ZMYM5: variants seen among roughly 807,000 people sequenced by gnomAD.
The protein encoded by ZMYM5 is zinc finger MYM-type containing 5, also known as zinc finger MYM-type protein 5.
ZMYM5 carries 41 observed loss-of-function variants against 61.8 expected under a neutral mutation model. The observed-to-expected ratio is 0.66, with a 90% CI of 0.52 to 0.86. The LOEUF (loss-of-function observed/expected upper bound fraction) is 0.86. ZMYM5 is among the 40% of genes least tolerant of loss of function. The pLI, the probability that ZMYM5 is intolerant of heterozygous loss-of-function variation, is 0.00. For missense variants in ZMYM5, 706 were observed against 786.7 expected (o/e 0.90, Z 1.23); for synonymous variants, 257 against 276.4 (o/e 0.93, Z 0.70).
intron 4 of ZMYM5, among the ~76,000 whole-genome samples, chr13:19,839,582 G>A (rs971864921): frequency 4.6e-5 from 7 of 151,780 alleles, no homozygotes; most frequent in Admixed American, 4.6e-4. Flanking sequence ...CACTATGTTG[G>A]CCAGGCTGGT....
intron 4 of ZMYM5, among the ~76,000 whole-genome samples, chr13:19,839,807 A>G (rs1203941384): frequency 6.6e-6 from 1 of 152,202 alleles, no homozygotes; most frequent in Non-Finnish European, 1.5e-5. Context: ...ATATAAATCT[A>G]TTATTATTTC....
intron 2 of ZMYM5, 98 bp from the exon 3 acceptor site, chr13:19,852,288 TTG>T (rs1953344402): frequency 2.3e-6 from 3 of 1,276,650 alleles, no homozygotes; most frequent in Non-Finnish European, 3.2e-6. Flanking sequence ...AAATTATTTT[TTG>T]TGATACCTGA....
At position 19,823,516 on chromosome 13, in the gene ZMYM5, T is replaced by C. The variant is rs562901326; in HGVS notation, c.*961A>G. 6.6e-6 allele frequency: 1 copy of C among 152,264 alleles called. No homozygotes were observed. The highest frequency in any genetic ancestry group is 1.9e-4 in the East Asian group (1 of 5,192). 9.4% of individuals were successfully genotyped at this position (152,264 alleles called of 1,614,324 possible). A position where few individuals can be genotyped will look rare whatever the true frequency, so the allele number is the denominator to read the frequency against. ...TATATACTTATTTTAATATTTTTTA[T>C]ATTTTTATCAACATAAAATAGGTAA... On this transcript the variant is annotated 3_prime_UTR_variant, in exon 8 of 8. Coordinates refer to ENST00000337963, the MANE Select transcript of ZMYM5 (RefSeq NM_001142684.2).
intron 7 of ZMYM5, among the ~76,000 whole-genome samples, chr13:19,832,107 C>T (rs1307821005): frequency 1.3e-5 from 2 of 151,886 alleles, no homozygotes; most frequent in African/African-American, 4.8e-5. Context: ...ATCTGCCACC[C>T]TTGGCCTCCT....
At chr13:19,857,354 G>A (rs1391765721) in intron 2 of ZMYM5, among the ~76,000 whole-genome samples, 1 of 152,118 alleles carries the variant, frequency 6.6e-6, no homozygotes, top group Non-Finnish European at 1.5e-5. Context: ...GTAAAGATAA[G>A]GGTTAACATA....
At chr13:19,835,742 A>G in intron 6 of ZMYM5, 53 bp from the exon 7 acceptor site, 1 of 1,271,702 alleles carries the variant, frequency 7.9e-7, no homozygotes, top group Non-Finnish European at 1.1e-6. Flanking sequence ...AGATTAGCAT[A>G]GCAAGCAATG....
At chr13:19,856,079 T>C (rs1307468305) in intron 2 of ZMYM5, among the ~76,000 whole-genome samples, 3 of 151,958 alleles carry the variant, frequency 2.0e-5, no homozygotes, top group Admixed American at 6.6e-5. Context: ...CTAAAAGCCA[T>C]TGTGTTTATA....
intron 4 of ZMYM5, among the ~76,000 whole-genome samples, chr13:19,848,150 GTTT>G (rs374808860): frequency 6.6e-6 from 1 of 151,342 alleles, no homozygotes; most frequent in Admixed American, 6.6e-5. Context: ...TTTTTTTGTT[GTTT>G]TTTGTATTTT....
At chr13:19,846,106 A>G (rs188128581) in intron 4 of ZMYM5, among the ~76,000 whole-genome samples, 55 of 152,322 alleles carry the variant, frequency 3.6e-4, no homozygotes, top group African/African-American at 1.2e-3. Context: ...AAGGATTTAG[A>G]GTCTCTCTTC....
intron 4 of ZMYM5, among the ~76,000 whole-genome samples, chr13:19,848,737 G>A (rs376035771): frequency 2.0e-5 from 3 of 151,898 alleles, no homozygotes; most frequent in Non-Finnish European, 2.9e-5. Flanking sequence ...GTTTCACCAC[G>A]TTGGCCAGGG....
chr13:19,847,078 G>A (rs1032297503), intron 4 of ZMYM5, among the ~76,000 whole-genome samples: 3 of 152,090 alleles, frequency 2.0e-5, no homozygotes, highest in Non-Finnish European at 2.9e-5. Context: ...CTCCCCAGTA[G>A]CTAGGACTAC....
At chr13:19,838,633 A>G in intron 5 of ZMYM5, 67 bp downstream of exon 5, 1 of 1,553,094 alleles carries the variant, frequency 6.4e-7, no homozygotes, top group Admixed American at 1.7e-5. Context: ...CTCTGCAGTT[A>G]TATTGAGTAC....
intron 4 of ZMYM5, among the ~76,000 whole-genome samples, chr13:19,847,713 G>A (rs1953128373): frequency 6.7e-6 from 1 of 149,396 alleles, no homozygotes; most frequent in Admixed American, 6.7e-5. Flanking sequence ...CGTGATCTTG[G>A]CTCACTGCAA....
In ZMYM5 at chr13:19,862,801, G is replaced by A. The variant is rs764954311; in HGVS notation, c.-78-335C>T. 5.0e-4 allele frequency among the ~76,000 whole-genome samples: 76 copies of A among 152,278 alleles called. 2 individuals carry two copies. Among genetic ancestry groups the A allele is most frequent in the Non-Finnish European group, 2.9e-4 (20 of 68,020 alleles). ...TCCCTCCTAAATTTGCCCACCCAGCGTCATCTCTGTCACTCCAAGCACCAT... is the reference window on the plus strand; with the variant it reads ...TCCCTCCTAAATTTGCCCACCCAGCATCATCTCTGTCACTCCAAGCACCAT... On this transcript the variant is annotated intron_variant, in intron 1 of 7. Coordinates refer to ENST00000337963, the MANE Select transcript of ZMYM5 (RefSeq NM_001142684.2).
chr13:19,827,499 C>T (rs1245083856), intron 7 of ZMYM5, among the ~76,000 whole-genome samples: 1 of 152,128 alleles, frequency 6.6e-6, no homozygotes, highest in African/African-American at 2.4e-5. Flanking sequence ...AAAGCAGCTC[C>T]TTGCTCAAAA....
chr13:19,827,990 G>C (rs2138480782), intron 7 of ZMYM5, among the ~76,000 whole-genome samples: 1 of 120,694 alleles, frequency 8.3e-6, no homozygotes, highest in East Asian at 2.5e-4. Flanking sequence ...CTGCACTCCA[G>C]CCTGGGCGAC....
At position 19,825,172 on chromosome 13, in the gene ZMYM5, C is replaced by T. The variant is rs1295685878; in HGVS notation, c.1315G>A (p.Glu439Lys). 1.5e-6 allele frequency: 2 copies of T among 1,298,066 alleles called. No homozygotes were observed. Among genetic ancestry groups the T allele is most frequent in the Non-Finnish European group, 2.0e-6 (2 of 990,066 alleles). 80.4% of individuals were successfully genotyped at this position (1,298,066 alleles called of 1,614,324 possible). A position where few individuals can be genotyped will look rare whatever the true frequency, so the allele number is the denominator to read the frequency against. The change falls in exon 8 of 8, where the codon GAA becomes AAA. Residue 439 changes from glutamate to lysine, a missense_variant. Physicochemically the swap from Glu to Lys is moderately conservative, Grantham distance 56. Around this residue, in one of 2 missense-constraint regions of ZMYM5, gnomAD observed 226 missense variants for 325.0 expected, o/e 0.70. Transcript: ENST00000337963. ...CCATATAATTGTTTCTCATTTTCTT[C>T]TCTAAAAGCATTCCTTTTTCTATTT... The part of the protein sequence containing the change: ...SENRKRNAFR[E>K]ENEKQLYGSS...
rs376301082 is a variant in ZMYM5 at position 19,851,989 on chromosome 13, T to C, written c.192A>G (p.Glu64=). 2 of 1,614,016 alleles carry C rather than the reference T, an allele frequency of 1.2e-6. No individual in the cohort carries two copies. Among genetic ancestry groups the C allele is most frequent in the African/African-American group, 1.3e-5 (1 of 75,056 alleles). ...CAGAAATTGAAGGAGGTTGTATAGA[T>C]TCAATAAACACAACATCATCATCAT... is the stretch of plus-strand genomic sequence containing the variant. ...DDDDDDVVFI[E]SIQPPSISAP... The change falls in exon 3 of 8, where the codon GAA becomes GAG. Residue 64 remains glutamate, a synonymous_variant. Coordinates refer to ENST00000337963, the MANE Select transcript of ZMYM5 (RefSeq NM_001142684.2).
chr13:19,837,347 C>T, intron 6 of ZMYM5: 1 of 1,210,202 alleles, frequency 8.3e-7, no homozygotes, highest in Non-Finnish European at 1.1e-6. Flanking sequence ...GCCCTTGACC[C>T]CCAACTCTTG....
Sources: gnomAD v4.1 joint callset for allele counts (sites outside exome capture counted in the v4.1 genomes callset) on GRCh38, gnomAD v4.1.1 for gene constraint, gnomAD v4.1.1 regional missense constraint, MANE v1.5 for transcripts, NCBI Gene and HGNC (gene_info 2026-07-23, HGNC 2026-07-21) for gene names.